Variants in HCN1 observed in about 807,000 individuals in gnomAD.
HCN1 encodes potassium/sodium hyperpolarization-activated cyclic nucleotide-gated channel 1.
A neutral mutation model predicts 78.9 loss-of-function variants in HCN1; 13 were observed. The observed-to-expected ratio is 0.16, with a 90% CI of 0.11 to 0.26. The LOEUF (loss-of-function observed/expected upper bound fraction) is 0.26, where lower values mean the gene tolerates loss of function less well. Among genes scored for constraint, HCN1 ranks in the 10% least tolerant of loss-of-function variants. The pLI is 1.00. For synonymous variants in HCN1, 552 were observed against 455.5 expected (o/e 1.21, Z -2.70); for missense variants, 810 against 1,154.3 (o/e 0.70, Z 4.32).
intron 2 of HCN1, among the ~76,000 whole-genome samples, chr5:45,569,017 A>G (rs1743773173): frequency 6.6e-6 from 1 of 151,830 alleles, no homozygotes; most frequent in African/African-American, 2.4e-5. Flanking sequence ...TCTCCTTCCC[A>G]CTCCCCTGGA....
chr5:45,322,378 T>C (rs929093875), intron 5 of HCN1, among the ~76,000 whole-genome samples: 3 of 151,794 alleles, frequency 2.0e-5, no homozygotes, highest in Non-Finnish European at 2.9e-5. Flanking sequence ...ATGATGATAT[T>C]CACTAATATT....
At chr5:45,335,281 C>T (rs1746430412) in intron 5 of HCN1, among the ~76,000 whole-genome samples, 1 of 152,136 alleles carries the variant, frequency 6.6e-6, no homozygotes, top group South Asian at 2.1e-4. Context: ...GCTTTGTACA[C>T]ATTCCAACAG....
chr5:45,645,033 T>C (rs1408457587), intron 2 of HCN1, 152 bp downstream of exon 2: 4 of 609,502 alleles, frequency 6.6e-6, no homozygotes, highest in Non-Finnish European at 1.1e-5. Context: ...GGGATACAAA[T>C]ATATCACTTA....
chr5:45,660,485 T>A (rs1372270948), intron 1 of HCN1, among the ~76,000 whole-genome samples: 1 of 149,318 alleles, frequency 6.7e-6, no homozygotes, highest in Non-Finnish European at 1.5e-5. Flanking sequence ...GACTAAATTC[T>A]GCAATTAAAA....
intron 1 of HCN1, among the ~76,000 whole-genome samples, chr5:45,661,113 C>G (rs1252613699): frequency 2.0e-5 from 3 of 148,378 alleles, no homozygotes; most frequent in Non-Finnish European, 4.4e-5. Flanking sequence ...TCTCTCAGAC[C>G]ACGGTGCAAT....
intron 2 of HCN1, among the ~76,000 whole-genome samples, chr5:45,508,573 GTATGTCC>G (rs1474436639): frequency 6.6e-6 from 1 of 151,980 alleles, no homozygotes; most frequent in Non-Finnish European, 1.5e-5. Context: ...AAGACAAAGG[GTATGTCC>G]TACTTATAAT....
intron 2 of HCN1, among the ~76,000 whole-genome samples, chr5:45,581,410 C>T (rs1052905857): frequency 3.3e-5 from 5 of 152,044 alleles, no homozygotes; most frequent in Admixed American, 3.3e-4. Flanking sequence ...TTTGTAGATT[C>T]TGGATATTAG....
intron 1 of HCN1, among the ~76,000 whole-genome samples, chr5:45,657,442 T>A (rs886566559): frequency 1.3e-5 from 2 of 152,220 alleles, no homozygotes; most frequent in African/African-American, 4.8e-5. Flanking sequence ...TGTTGCTCAA[T>A]AGATAACAGA....
intron 2 of HCN1, among the ~76,000 whole-genome samples, chr5:45,625,049 G>A (rs1433665392): frequency 2.6e-5 from 4 of 151,968 alleles, no homozygotes; most frequent in African/African-American, 4.8e-5. Flanking sequence ...GCTACATGTT[G>A]GTATTAAAAA....
At position 45,492,519 on chromosome 5, in the gene HCN1, G is replaced by GTTT. The variant is rs928476311; in HGVS notation, c.850-30515_850-30513dup. On this transcript the variant is annotated intron_variant, in intron 2 of 7. Transcript: ENST00000303230. Reference sequence around the variant, plus strand: ...TGGCGTTACCAGCAACAGTTTTTTTGTTTTTTTTTTTTTTTTTTGAGACAA... The same window carrying GTTT: ...TGGCGTTACCAGCAACAGTTTTTTTGTTTTTTTTTTTTTTTTTTTTTGAGACAA... Among the ~76,000 whole-genome samples, 66 of 102,338 alleles carry GTTT rather than the reference G, an allele frequency of 6.4e-4. 6 individuals are homozygous for GTTT. Among genetic ancestry groups the GTTT allele is most frequent in the East Asian group, 4.7e-3 (16 of 3,392 alleles). 67.1% of individuals were successfully genotyped at this position (102,338 alleles called of 152,430 possible). A position where few individuals can be genotyped will look rare whatever the true frequency, so the allele number is the denominator to read the frequency against.
At chr5:45,672,099 C>A (rs1447475691) in intron 1 of HCN1, among the ~76,000 whole-genome samples, 1 of 151,470 alleles carries the variant, frequency 6.6e-6, no homozygotes, top group Non-Finnish European at 1.5e-5. Flanking sequence ...TTCAACACTG[C>A]ACCTACATGT....
chr5:45,527,675 GAGAT>G (rs1412804354), intron 2 of HCN1, among the ~76,000 whole-genome samples: 3 of 151,414 alleles, frequency 2.0e-5, no homozygotes, highest in Non-Finnish European at 4.4e-5. Flanking sequence ...TACACAGACT[GAGAT>G]AGATACTCTT....
intron 3 of HCN1, among the ~76,000 whole-genome samples, chr5:45,438,102 A>C (rs1248265756): frequency 2.0e-5 from 3 of 152,206 alleles, no homozygotes; most frequent in African/African-American, 7.2e-5. Context: ...AACACAGGCC[A>C]ACCTTGGCAC....
At chr5:45,322,546 G>T (rs1276248179) in intron 5 of HCN1, among the ~76,000 whole-genome samples, 1 of 151,706 alleles carries the variant, frequency 6.6e-6, no homozygotes, top group Non-Finnish European at 1.5e-5. Flanking sequence ...GAAATCTTGG[G>T]GATGGGATTC....
intron 2 of HCN1, among the ~76,000 whole-genome samples, chr5:45,625,955 G>C (rs1745155075): frequency 6.6e-6 from 1 of 152,128 alleles, no homozygotes; most frequent in African/African-American, 2.4e-5. Context: ...CAAAACTTTT[G>C]TGCTCACAAT....
At chr5:45,346,113 G>A (rs367674214) in intron 5 of HCN1, among the ~76,000 whole-genome samples, 40 of 152,252 alleles carry the variant, frequency 2.6e-4, no homozygotes, top group East Asian at 5.8e-4. Flanking sequence ...ATCAGATCTC[G>A]TGAGAACTTA....
intron 1 of HCN1, among the ~76,000 whole-genome samples, chr5:45,679,022 C>A (rs1191352319): frequency 6.6e-6 from 1 of 151,680 alleles, no homozygotes; most frequent in East Asian, 1.9e-4. Flanking sequence ...ATTCATATAC[C>A]CAGAACAAAA....
chr5:45,392,965 T>G (rs1157434780), intron 4 of HCN1, among the ~76,000 whole-genome samples: 1 of 152,126 alleles, frequency 6.6e-6, no homozygotes, highest in African/African-American at 2.4e-5. Flanking sequence ...AGAACTGGCT[T>G]GGTGGCTTGG....
At chr5:45,654,473 T>C (rs1335509517) in intron 1 of HCN1, among the ~76,000 whole-genome samples, 2 of 152,288 alleles carry the variant, frequency 1.3e-5, no homozygotes, top group East Asian at 3.9e-4. Context: ...TTCCTGCTTC[T>C]AACTCTTGAC....
Sources: allele counts gnomAD v4.1 joint callset (sites outside exome capture counted in the v4.1 genomes callset), GRCh38; gene constraint gnomAD v4.1.1; transcripts MANE v1.5; gene names NCBI Gene and HGNC (gene_info 2026-07-23, HGNC 2026-07-21).